LZTR1: variants seen among roughly 807,000 people sequenced by gnomAD.
LZTR1 encodes leucine-zipper-like transcriptional regulator 1.
A neutral mutation model predicts 105.7 loss-of-function variants in LZTR1; 260 were observed. The observed-to-expected ratio is 2.46, with a 90% CI of 2.22 to 2.72. The LOEUF (loss-of-function observed/expected upper bound fraction) is 2.72, where lower values mean the gene tolerates loss of function less well. Among genes scored for constraint, LZTR1 ranks in the 30% most tolerant of loss-of-function variants. LZTR1 has a pLI of 0.00. For missense variants in LZTR1, 1,214 were observed against 1,166.9 expected (o/e 1.04, Z -0.59); for synonymous variants, 490 against 476.4 (o/e 1.03, Z -0.37).
At chr22:20,989,854 C>T (rs1380944623) in intron 7 of LZTR1, among the ~76,000 whole-genome samples, 172 bp downstream of exon 7, 4 of 152,222 alleles carry the variant, frequency 2.6e-5, no homozygotes, top group Admixed American at 2.6e-4. Context: ...TTGCAAAGCC[C>T]AGCCTCGACC....
rs1213535694 is a variant in LZTR1, at chr22:20,994,996, C to T, written c.1912C>T (p.Arg638Cys). ...GCGGCGGAAGCAGCAGCCGCCCCCTCGCACTCCCTTGGACCAGCCAGTGGA... is the reference window on the plus strand; with the variant it reads ...GCGGCGGAAGCAGCAGCCGCCCCCTTGCACTCCCTTGGACCAGCCAGTGGA... ...IVRRKQQPPPRTPLDQPVDIG... is the reference protein window; with the variant it reads ...IVRRKQQPPPCTPLDQPVDIG... The change falls in exon 16 of 21, where the codon CGC becomes TGC. Residue 638 changes from arginine (R) to cysteine (C), a missense_variant. Arg to Cys is a radical substitution (Grantham distance 180). Coordinates refer to ENST00000646124, the MANE Select transcript of LZTR1 (RefSeq NM_006767.4). 5.6e-6 allele frequency: 9 copies of T among 1,612,632 alleles called. No homozygotes were observed. Among genetic ancestry groups the T allele is most frequent in the South Asian group, 2.2e-5 (2 of 91,034 alleles).
chr22:20,994,728 G>A lies in LZTR1; in HGVS notation c.1785+1G>A, dbSNP rs145594158. On this transcript the variant is annotated splice_donor_variant, in intron 15 of 20. Coordinates refer to ENST00000646124, the MANE Select transcript of LZTR1 (RefSeq NM_006767.4). LOFTEE classifies it high-confidence loss of function. Reference sequence around the variant, plus strand: ...CCGGCTGCAGCTGAGCCAACTCAAGGTGTGGGGTGGGGTCAGCGCAATCAG... The same window carrying A: ...CCGGCTGCAGCTGAGCCAACTCAAGATGTGGGGTGGGGTCAGCGCAATCAG... 12 of 1,611,012 alleles carry A rather than the reference G, an allele frequency of 7.4e-6. No individual in the cohort carries two copies. Among genetic ancestry groups the A allele is most frequent in the South Asian group, 1.1e-5 (1 of 90,884 alleles).
intron 7 of LZTR1, 56 bp from the exon 8 acceptor site, chr22:20,990,330 G>A: frequency 6.2e-7 from 1 of 1,606,106 alleles, no homozygotes; most frequent in South Asian, 1.1e-5. Context: ...CTCGAGTGTG[G>A]TGAAATGTGA....
rs546576743 is a variant in LZTR1 at position 20,998,851 on chromosome 22, A to C, written c.*1503A>C. ...CCACACACCCATCTACCCAGTTTCCACAAGATGTGGCTCCTGCCACACCCA... is the reference window on the plus strand; with the variant it reads ...CCACACACCCATCTACCCAGTTTCCCCAAGATGTGGCTCCTGCCACACCCA... On this transcript the variant is annotated 3_prime_UTR_variant, in exon 21 of 21. Transcript: ENST00000646124. The C allele has an allele frequency of 6.6e-6, 1 of 152,310 alleles. No individual in the cohort carries two copies. Among genetic ancestry groups the C allele is most frequent in the South Asian group, 2.1e-4 (1 of 4,826 alleles). 9.4% of individuals were successfully genotyped at this position (152,310 alleles called of 1,614,324 possible).
At position 20,994,540 on chromosome 22, in the gene LZTR1, G is replaced by A. The variant is rs757665690; in HGVS notation, c.1616-18G>A. ...TCCCCTCTCCGGCTCCCTGAGATTCGGGGGCTCTGGGGCGCAGGCCATGTG... is the reference window on the plus strand; with the variant it reads ...TCCCCTCTCCGGCTCCCTGAGATTCAGGGGCTCTGGGGCGCAGGCCATGTG... On this transcript the variant is annotated intron_variant, in intron 14 of 20. Transcript: ENST00000646124. 3.7e-6 allele frequency: 6 copies of A among 1,603,716 alleles called. No individual in the cohort carries two copies. The highest frequency in any genetic ancestry group is 2.2e-5 in the East Asian group (1 of 44,788).
chr22:20,982,601 C>T (rs779027972), intron 1 of LZTR1, 30 bp downstream of exon 1: 1 of 1,602,568 alleles, frequency 6.2e-7, no homozygotes, highest in Non-Finnish European at 8.5e-7. Flanking sequence ...GTCCTGAGGA[C>T]AGGAAGGGCG....
At chr22:20,988,998 T>C in intron 6 of LZTR1, 126 bp downstream of exon 6, 1 of 781,992 alleles carries the variant, frequency 1.3e-6, no homozygotes, top group Non-Finnish European at 2.2e-6. Flanking sequence ...AGTGCCACTC[T>C]GTCTGGGGGT....
chr22:20,988,853 G>C lies in LZTR1; in HGVS notation c.574G>C (p.Gly192Arg). ...CAGTGACAAGCTGTGGATCTTTGCT[G>C]GCTATGACGGCAACGCCAGGTGGGT... ...VYSDKLWIFA[G>R]YDGNARLNDM... is the part of the protein sequence containing the mutation. Residue 192 changes from glycine to arginine, a missense_variant, in exon 6 of 21, where the codon GGC becomes CGC. Transcript: ENST00000646124. 1.2e-6 allele frequency: 2 copies of C among 1,614,052 alleles called. No individual in the cohort carries two copies. Among genetic ancestry groups the C allele is most frequent in the Non-Finnish European group, 1.7e-6 (2 of 1,179,994 alleles).
At chr22:20,996,547 G>A (rs1350215957) in intron 18 of LZTR1, 149 bp from the exon 19 acceptor site, 2 of 635,518 alleles carry the variant, frequency 3.1e-6, no homozygotes, top group Non-Finnish European at 5.6e-6. Context: ...ATCCTGAATG[G>A]GGCCTTTGAC....
At chr22:20,997,202 C>T in intron 20 of LZTR1, 30 bp from the exon 21 acceptor site, 2 of 1,450,546 alleles carry the variant, frequency 1.4e-6, no homozygotes, top group Non-Finnish European at 1.9e-6. Flanking sequence ...GGATCTGGTC[C>T]CATCTCCTTC....
intron 16 of LZTR1, 127 bp from the exon 17 acceptor site, chr22:20,995,619 A>G: frequency 1.7e-6 from 2 of 1,164,812 alleles, no homozygotes; most frequent in South Asian, 1.4e-5. Context: ...AGGGCGAGTG[A>G]GGCCTTCTGC....
chr22:20,995,086 G>A, intron 16 of LZTR1, 60 bp downstream of exon 16: 1 of 1,544,726 alleles, frequency 6.5e-7, no homozygotes, highest in Non-Finnish European at 8.7e-7. Flanking sequence ...TCTGCGGTAG[G>A]AGATTGGGAG....
rs117346988 is a variant in LZTR1, at chr22:20,996,080, C to A, written c.2187C>A (p.Tyr729Ter). The A allele has an allele frequency of 6.2e-7, 1 of 1,613,168 alleles. No individual in the cohort carries two copies. The highest frequency in any genetic ancestry group is 8.5e-7 in the Non-Finnish European group (1 of 1,180,012). Residue 729 changes from tyrosine to a stop codon, truncating the protein, a stop_gained, in exon 18 of 21, where the codon TAC becomes TAA. Transcript: ENST00000646124. LOFTEE classifies it high-confidence loss of function. Reference sequence around the variant, plus strand: ...AGTCCATGCTGCGCTACATCTACTACGGCGAGGTCAACATGCCGCCCGAGG... The same window carrying A: ...AGTCCATGCTGCGCTACATCTACTAAGGCGAGGTCAACATGCCGCCCGAGG... ...AFESMLRYIY[Y>*]GEVNMPPEDS...
Position 20,982,359 on chromosome 22 carries a change from G to T in LZTR1, c.-13G>T, listed in dbSNP as rs1338936920. 6.5e-7 allele frequency: 1 copy of T among 1,545,412 alleles called. No individual in the cohort carries two copies. The highest frequency in any genetic ancestry group is 1.2e-5 in the South Asian group (1 of 84,060). On this transcript the variant is annotated 5_prime_UTR_variant, in exon 1 of 21. Coordinates refer to ENST00000646124, the MANE Select transcript of LZTR1 (RefSeq NM_006767.4). Reference sequence around the variant, plus strand: ...TTGGGCTTACAGCGCGGCCGATCCGGCGTGGACCCGGGATGGCTGGACCGG... The same window carrying T: ...TTGGGCTTACAGCGCGGCCGATCCGTCGTGGACCCGGGATGGCTGGACCGG...
chr22:20,992,713 T>C lies in LZTR1; in HGVS notation c.1150-81T>C, dbSNP rs529320859. On this transcript the variant is annotated intron_variant, in intron 10 of 20. Coordinates refer to ENST00000646124, the MANE Select transcript of LZTR1 (RefSeq NM_006767.4). Reference sequence around the variant, plus strand: ...CCCTTCATGGCCATGAGGTGCCGCATCCTTGCCTTACCTGGCTGCACCAGC... The same window carrying C: ...CCCTTCATGGCCATGAGGTGCCGCACCCTTGCCTTACCTGGCTGCACCAGC... 194 of 943,836 alleles carry C rather than the reference T, an allele frequency of 2.1e-4. 1 individual carries two copies. Among genetic ancestry groups the C allele is most frequent in the African/African-American group, 2.0e-3 (121 of 61,744 alleles). The allele number at this position is 943,836 out of a possible 1,614,324, so 58.5% of individuals were successfully genotyped here.
chr22:20,992,927 G>A, intron 11 of LZTR1, 23 bp downstream of exon 11: 1 of 1,498,214 alleles, frequency 6.7e-7, no homozygotes, highest in Non-Finnish European at 9.1e-7. Context: ...TGGGCCTGTA[G>A]AGCCGGCTGG....
rs751123751 is a variant in LZTR1 at position 20,996,909 on chromosome 22, GCAGGCACTGGA to G, written c.2352_2362del (p.Gln784HisfsTer63). On this transcript the variant is annotated frameshift_variant, in exon 20 of 21. Transcript: ENST00000646124. LOFTEE classifies it high-confidence loss of function. Reference sequence around the variant, plus strand: ...AGATCCTGGAGGCAGCTGACAAAACGCAGGCACTGGACATGAAGCGGCACTGCCTGCACATC... The same window carrying G: ...AGATCCTGGAGGCAGCTGACAAAACGCATGAAGCGGCACTGCCTGCACATC... The G allele has an allele frequency of 3.7e-6, 6 of 1,612,744 alleles. No individual in the cohort carries two copies. Among genetic ancestry groups the G allele is most frequent in the Non-Finnish European group, 5.1e-6 (6 of 1,179,314 alleles).
intron 14 of LZTR1, 99 bp from the exon 15 acceptor site, chr22:20,994,459 A>T: frequency 7.3e-7 from 1 of 1,369,544 alleles, no homozygotes; most frequent in Non-Finnish European, 1.0e-6. Flanking sequence ...GTTCCTACCT[A>T]GTGGCCCCAG....
chr22:20,989,016 G>C (rs544026113), intron 6 of LZTR1, 144 bp downstream of exon 6: 50 of 711,192 alleles, frequency 7.0e-5, no homozygotes, highest in Non-Finnish European at 1.2e-4. Flanking sequence ...GGTTTCTTGG[G>C]AGGGGGATGG....
Sources: allele counts gnomAD v4.1 joint callset (sites outside exome capture counted in the v4.1 genomes callset), GRCh38; gene constraint gnomAD v4.1.1; transcripts MANE v1.5; gene names NCBI Gene and HGNC (gene_info 2026-07-23, HGNC 2026-07-21).